Variants in CLCN4 observed in about 807,000 individuals in gnomAD.
CLCN4 encodes H(+)/Cl(-) exchange transporter 4.
In CLCN4, 1 loss-of-function variant was observed where a neutral mutation model predicts 41.7. That is an observed-to-expected ratio of 0.02 (90% CI 0.01 to 0.11). The LOEUF is 0.11. Among genes scored for constraint, CLCN4 ranks in the 10% least tolerant of loss-of-function variants. The pLI is 1.00. For synonymous variants in CLCN4, 277 were observed against 285.8 expected, an observed-to-expected ratio of 0.97 and a Z score of 0.31; for missense variants, 287 against 661.0, an observed-to-expected ratio of 0.43 and a Z score of 6.20.
At chrX:10,199,364 G>A (rs1924177996) in intron 6 of CLCN4, among the ~76,000 whole-genome samples, 1 of 112,582 alleles carries the variant, frequency 8.9e-6, no homozygotes, top group African/African-American at 3.2e-5. Flanking sequence ...ACATTAAGTG[G>A]CTAAGAAATA....
At chrX:10,193,066 C>T (rs780723736) in intron 4 of CLCN4, among the ~76,000 whole-genome samples, 4 of 111,942 alleles carry the variant, frequency 3.6e-5, no homozygotes, top group Non-Finnish European at 7.5e-5. Context: ...GGCAAATAGA[C>T]TTGTGTTCTT....
Position 10,212,837 on chromosome X carries a change from G to GCACACACACACACACACACACACA in CLCN4, c.1576+186_1576+187insCACACACACACACACACACACACA, listed in dbSNP as rs199932119. ...ACCAAGGCTATGTCTCGCTCACTAT[G>GCACACACACACACACACACACACA]CAGACACACACACACACACACAAAC... On this transcript the variant is annotated intron_variant, in intron 10 of 12. Transcript: ENST00000380833. 0.026 allele frequency among the ~76,000 whole-genome samples: 2,751 copies of GCACACACACACACACACACACACA among 106,479 alleles called. 34 individuals are homozygous for GCACACACACACACACACACACACA. The highest frequency in any genetic ancestry group is 0.03 in the African/African-American group (859 of 28,555). 92.5% of individuals were successfully genotyped at this position (106,479 alleles called of 115,157 possible).
chrX:10,199,044 T>C (rs757599335), intron 6 of CLCN4, among the ~76,000 whole-genome samples: 7 of 112,498 alleles, frequency 6.2e-5, no homozygotes, highest in South Asian at 7.3e-4. Flanking sequence ...AAATTCAACA[T>C]GGTCTTGTTT....
chrX:10,229,022 A>G (rs1452531314), intron 12 of CLCN4, among the ~76,000 whole-genome samples: 1 of 111,559 alleles, frequency 9.0e-6, no homozygotes, highest in Non-Finnish European at 1.9e-5. Context: ...AGAATGGCCT[A>G]TCTGCAACAA....
intron 6 of CLCN4, 86 bp downstream of exon 6, chrX:10,198,147 G>A (rs1924146731): frequency 7.5e-6 from 7 of 927,282 alleles, no homozygotes; most frequent in Admixed American, 2.7e-5. Context: ...AGTTCCAAGC[G>A]TTTTACTTCT....
At chrX:10,232,829 T>C (rs1273968578) in intron 12 of CLCN4, among the ~76,000 whole-genome samples, 1 of 111,418 alleles carries the variant, frequency 9.0e-6, no homozygotes, top group Non-Finnish European at 1.9e-5. Flanking sequence ...GCATTCTTTT[T>C]GTAAGTTGAA....
At chrX:10,191,417 C>T (rs1408261036) in intron 4 of CLCN4, among the ~76,000 whole-genome samples, 4 of 112,558 alleles carry the variant, frequency 3.6e-5, no homozygotes, top group African/African-American at 9.7e-5. Context: ...ATAGACCACA[C>T]GTTGTTTATC....
chrX:10,231,097 A>G (rs1925115949), intron 12 of CLCN4, among the ~76,000 whole-genome samples: 1 of 112,179 alleles, frequency 8.9e-6, no homozygotes, highest in African/African-American at 3.2e-5. Context: ...TGTAGTTGGA[A>G]TCATTCAGTA....
At chrX:10,203,631 G>T (rs1924298815) in intron 6 of CLCN4, among the ~76,000 whole-genome samples, 1 of 111,626 alleles carries the variant, frequency 9.0e-6, no homozygotes, top group African/African-American at 3.3e-5. Flanking sequence ...TCTCTGTGCT[G>T]CTCTTTTCAG....
At chrX:10,202,731 T>G (rs964724686) in intron 6 of CLCN4, among the ~76,000 whole-genome samples, 1 of 108,333 alleles carries the variant, frequency 9.2e-6, no homozygotes, top group African/African-American at 3.3e-5. Context: ...AAGGGTGTCC[T>G]CTTTCTACTT....
chrX:10,168,049 G>T (rs1245014981), intron 2 of CLCN4, among the ~76,000 whole-genome samples: 1 of 111,990 alleles, frequency 8.9e-6, no homozygotes, highest in African/African-American at 3.3e-5. Context: ...TCCTAGGTTG[G>T]AGAGGAGAGG....
At chrX:10,192,673 A>G (rs1241849341) in intron 4 of CLCN4, among the ~76,000 whole-genome samples, 1 of 111,945 alleles carries the variant, frequency 8.9e-6, no homozygotes, top group Non-Finnish European at 1.9e-5. Flanking sequence ...GGGGAGTGGC[A>G]CAGGTCAGTC....
chrX:10,169,517 AAAC>A (rs1457439551), intron 2 of CLCN4, among the ~76,000 whole-genome samples: 1,437 of 111,769 alleles, frequency 0.013, 26 homozygotes, highest in African/African-American at 0.043. Flanking sequence ...ACAAACAAAC[AAAC>A]AAAACCAGTA....
chrX:10,187,636 A>C (rs1437807745), intron 4 of CLCN4, 22 bp downstream of exon 4: 2 of 1,142,595 alleles, frequency 1.8e-6, no homozygotes, highest in Non-Finnish European at 2.4e-6. Flanking sequence ...GGCATGCGGC[A>C]CTCCCGTGGG....
At chrX:10,180,990 A>G (rs1923667171) in intron 2 of CLCN4, among the ~76,000 whole-genome samples, 1 of 109,646 alleles carries the variant, frequency 9.1e-6, no homozygotes, top group Non-Finnish European at 1.9e-5. Context: ...CCCCTGTCTG[A>G]CCAAGACCTT....
chrX:10,160,646 G>A (rs964775433), intron 2 of CLCN4, among the ~76,000 whole-genome samples: 2 of 111,878 alleles, frequency 1.8e-5, no homozygotes, highest in African/African-American at 6.5e-5. Context: ...TGCTGGTGGG[G>A]GACGTGGTGA....
In CLCN4 at chrX:10,184,585, T is replaced by C. The variant is rs150594237; in HGVS notation, c.-11-437T>C. Among the ~76,000 whole-genome samples, 959 of 112,204 alleles carry C rather than the reference T, an allele frequency of 8.5e-3. 13 individuals carry two copies. The highest frequency in any genetic ancestry group is 0.029 in the African/African-American group (891 of 30,822). ...TGCAATGCAGTGCTGGGAAGCTGTC[T>C]GGTGTTCCTGAGTGTAGGAGGGCTG... On this transcript the variant is annotated intron_variant, in intron 2 of 12. Coordinates refer to ENST00000380833, the MANE Select transcript of CLCN4 (RefSeq NM_001830.4).
At chrX:10,163,107 C>A (rs185785711) in intron 2 of CLCN4, among the ~76,000 whole-genome samples, 95 of 113,649 alleles carry the variant, frequency 8.4e-4, no homozygotes, top group Non-Finnish European at 1.6e-3. Flanking sequence ...GCTCCAGGTG[C>A]CCCCATCACA....
In CLCN4 at chrX:10,206,346, C is replaced by T. The variant is rs5934810; in HGVS notation, c.556-12C>T. Reference sequence around the variant, plus strand: ...GAGTTCATTCCCTCTTGTTCTCCATCCTCTGTTTCAGATAAAGACCATTTT... The same window carrying T: ...GAGTTCATTCCCTCTTGTTCTCCATTCTCTGTTTCAGATAAAGACCATTTT... On this transcript the variant is annotated splice_polypyrimidine_tract_variant and intron_variant, in intron 6 of 12. Transcript: ENST00000380833. 126,815 of 1,181,291 alleles carry T rather than the reference C, an allele frequency of 0.11. 5,310 individuals are homozygous for T. Among genetic ancestry groups the T allele is most frequent in the South Asian group, 0.28 (15,464 of 55,802 alleles).
Sources: gnomAD v4.1 joint callset for allele counts (sites outside exome capture counted in the v4.1 genomes callset) on GRCh38, gnomAD v4.1.1 for gene constraint, MANE v1.5 for transcripts, NCBI Gene and HGNC (gene_info 2026-07-23, HGNC 2026-07-21) for gene names.